SLC25A24: variants seen among roughly 807,000 people sequenced by gnomAD.
The protein encoded by SLC25A24 is mitochondrial adenyl nucleotide antiporter SLC25A24.
SLC25A24 carries 49 observed loss-of-function variants against 60.7 expected under a neutral mutation model. The observed-to-expected ratio is 0.81, with a 90% CI of 0.64 to 1.02. SLC25A24 has a LOEUF of 1.02. Ranked by LOEUF, SLC25A24 falls within the 50% of genes least tolerant of loss-of-function variation. The probability of loss-of-function intolerance (pLI) is 0.00; values close to 1 mark genes in which losing one functional copy is unlikely to be tolerated. For synonymous variants in SLC25A24, 202 were observed against 200.6 expected (o/e 1.01, Z -0.06); for missense variants, 564 against 586.3 (o/e 0.96, Z 0.39).
At chr1:108,180,616 A>ATCTCTCTCCTCTCTC (rs1553256121) in intron 3 of SLC25A24, among the ~76,000 whole-genome samples, 6 of 61,816 alleles carry the variant, frequency 9.7e-5, no homozygotes, top group African/African-American at 4.1e-4. Flanking sequence ...CAAGAGAAAG[A>ATCTCTCTCCTCTCTC]TCTCTCTCTC....
chr1:108,188,764 C>T (rs1052907584), intron 1 of SLC25A24, among the ~76,000 whole-genome samples: 11 of 152,124 alleles, frequency 7.2e-5, no homozygotes, highest in Non-Finnish European at 1.5e-4. Flanking sequence ...GGTTTGGGGG[C>T]GGATTCTGGG....
intron 3 of SLC25A24, among the ~76,000 whole-genome samples, chr1:108,175,644 T>G (rs1647647652): frequency 6.6e-6 from 1 of 152,056 alleles, no homozygotes; most frequent in Non-Finnish European, 1.5e-5. Flanking sequence ...GAGCCATGAT[T>G]GTGCCATTGC....
chr1:108,180,616 A>ATCTCTCTCTCTCTCTCTCTCTC (rs3043349), intron 3 of SLC25A24, among the ~76,000 whole-genome samples: 2 of 61,814 alleles, frequency 3.2e-5, no homozygotes, highest in African/African-American at 6.9e-5. Context: ...CAAGAGAAAG[A>ATCTCTCTCTCTCTCTCTCTCTC]TCTCTCTCTC....
At chr1:108,141,384 T>C (rs1041629316) in intron 8 of SLC25A24, among the ~76,000 whole-genome samples, 2 of 152,092 alleles carry the variant, frequency 1.3e-5, no homozygotes, top group Non-Finnish European at 2.9e-5. Flanking sequence ...CATGGAGAAA[T>C]TGGAATCTTG....
intron 3 of SLC25A24, among the ~76,000 whole-genome samples, chr1:108,162,359 G>A (rs1223709370): frequency 6.7e-6 from 1 of 149,746 alleles, no homozygotes; most frequent in Non-Finnish European, 1.5e-5. Flanking sequence ...GATCCCTGAG[G>A]AATTGCCACA....
chr1:108,139,195 T>C lies in SLC25A24; in HGVS notation c.1112A>G (p.Tyr371Cys), dbSNP rs767998811. ...DLAVYELLKS[Y>C]WLDNFAKDSV... is the part of the protein sequence containing the mutation. ...ATCTTTTGCAAAATTATCCAGCCAA[T>C]AGGACTTCAAGAGCTGCCAGAGAAA... The change falls in exon 9 of 10, where the codon TAT becomes TGT. Residue 371 changes from tyrosine to cysteine, a missense_variant. Tyr to Cys is a radical substitution (Grantham distance 194, BLOSUM62 -2). Coordinates refer to ENST00000565488, the MANE Select transcript of SLC25A24 (RefSeq NM_013386.5). 24 of 1,598,526 alleles carry C rather than the reference T, an allele frequency of 1.5e-5. No homozygotes were observed. The highest frequency in any genetic ancestry group is 4.5e-5 in the East Asian group (2 of 44,284).
At chr1:108,173,346 G>T (rs1478716563) in intron 3 of SLC25A24, among the ~76,000 whole-genome samples, 1 of 152,166 alleles carries the variant, frequency 6.6e-6, no homozygotes, top group Non-Finnish European at 1.5e-5. Flanking sequence ...AGATATGATG[G>T]TTTTATAGGG....
chr1:108,195,186 G>GT (rs1165840138), intron 1 of SLC25A24, among the ~76,000 whole-genome samples: 1 of 139,760 alleles, frequency 7.2e-6, no homozygotes, highest in East Asian at 1.9e-4. Flanking sequence ...AGCTTCTTTT[G>GT]TTTTTTCTGG....
intron 3 of SLC25A24, among the ~76,000 whole-genome samples, chr1:108,181,590 GTCT>G (rs1200193985): frequency 1.3e-5 from 2 of 152,150 alleles, no homozygotes; most frequent in Non-Finnish European, 2.9e-5. Context: ...GAATCTGCTA[GTCT>G]TCTTAGTTTG....
In SLC25A24 at chr1:108,141,252, T is replaced by C. The variant is rs78964606; in HGVS notation, c.1099-2044A>G. ...TTACCAGGAAGAAATTATAACTTCA[T>C]ATGGACCTAATATTAAGCTCCTAAA... On this transcript the variant is annotated intron_variant, in intron 8 of 9. Transcript: ENST00000565488. Among the ~76,000 whole-genome samples, 392 of 152,258 alleles carry C rather than the reference T, an allele frequency of 2.6e-3. 4 individuals carry two copies. In the East Asian group the frequency reaches 0.057, roughly 22 times the overall value.
intron 6 of SLC25A24, among the ~76,000 whole-genome samples, chr1:108,149,478 A>G (rs925184463): frequency 6.6e-6 from 1 of 151,936 alleles, no homozygotes; most frequent in African/African-American, 2.4e-5. Flanking sequence ...AAAGGATTAC[A>G]AAAAAATAAT....
intron 9 of SLC25A24, among the ~76,000 whole-genome samples, chr1:108,137,591 A>G (rs1471777824): frequency 6.6e-6 from 1 of 152,242 alleles, no homozygotes; most frequent in East Asian, 1.9e-4. Context: ...AAGATGTCTG[A>G]ACAGATGTAA....
chr1:108,148,310 G>A lies in SLC25A24; in HGVS notation c.899C>T (p.Ala300Val). Residue 300 changes from alanine to valine, a missense_variant, in exon 7 of 10, where the codon GCA becomes GTA. Coordinates refer to ENST00000565488, the MANE Select transcript of SLC25A24 (RefSeq NM_013386.5). ...TGGATATATAAAAGTCTGTGCAGTT[G>A]CTCCAGCCATGGAACCAGAAATAAA... ...ERFISGSMAG[A>V]TAQTFIYPME... The A allele has an allele frequency of 6.2e-7, 1 of 1,611,886 alleles. No homozygotes were observed. The highest frequency in any genetic ancestry group is 1.3e-5 in the African/African-American group (1 of 74,968).
chr1:108,186,135 A>G (rs1240353362), intron 1 of SLC25A24, among the ~76,000 whole-genome samples, 181 bp from the exon 2 acceptor site: 1 of 152,222 alleles, frequency 6.6e-6, no homozygotes. Flanking sequence ...CTACTGCAAA[A>G]AGATTCTGAG....
chr1:108,154,730 C>A (rs1679847090), intron 6 of SLC25A24, among the ~76,000 whole-genome samples: 1 of 151,972 alleles, frequency 6.6e-6, no homozygotes, highest in Non-Finnish European at 1.5e-5. Context: ...AAAATTCTAC[C>A]CTTCCTTTAA....
intron 1 of SLC25A24, among the ~76,000 whole-genome samples, chr1:108,190,374 T>C (rs1571310668): frequency 1.3e-5 from 2 of 152,118 alleles, no homozygotes; most frequent in Admixed American, 6.5e-5. Flanking sequence ...TTCTGACCAT[T>C]TGGGGCTGTT....
Position 108,178,545 on chromosome 1 carries a change from T to G in SLC25A24, c.398+3396A>C, listed in dbSNP as rs181722840. On this transcript the variant is annotated intron_variant, in intron 3 of 9. Transcript: ENST00000565488. ...AAACTAGAAATCAGGCCAGGCGCGG[T>G]GGCTCACGCCTGTAATCCTAGCACT... Among the ~76,000 whole-genome samples, 522 of 152,278 alleles carry G rather than the reference T, an allele frequency of 3.4e-3. 3 individuals carry two copies. The highest frequency in any genetic ancestry group is 6.0e-3 in the Non-Finnish European group (405 of 68,016).
Position 108,146,594 on chromosome 1 carries a change from A to C in SLC25A24, c.930+1685T>G, listed in dbSNP as rs376057517. On this transcript the variant is annotated intron_variant, in intron 7 of 9. Transcript: ENST00000565488. ...TATTATTTTGTTATACATTCCATCA[A>C]TAACTAGTTTAGTGAGAGTTTTTAA... 2.3e-3 allele frequency among the ~76,000 whole-genome samples: 350 copies of C among 152,346 alleles called. 6 individuals are homozygous for C. Among genetic ancestry groups the C allele is most frequent in the Non-Finnish European group, 7.6e-4 (52 of 68,034 alleles).
intron 8 of SLC25A24, among the ~76,000 whole-genome samples, chr1:108,142,386 G>A (rs1257675530): frequency 6.6e-6 from 1 of 152,194 alleles, no homozygotes; most frequent in Non-Finnish European, 1.5e-5. Context: ...TTCAACAGAT[G>A]AAGGACTAAA....
Sources: allele counts gnomAD v4.1 joint callset (sites outside exome capture counted in the v4.1 genomes callset), GRCh38; gene constraint gnomAD v4.1.1; transcripts MANE v1.5; gene names NCBI Gene and HGNC (gene_info 2026-07-23, HGNC 2026-07-21).